Variants in RALGAPA1 observed in about 807,000 individuals in gnomAD.
RALGAPA1 encodes ral GTPase-activating protein subunit alpha-1.
A neutral mutation model predicts 269.6 loss-of-function variants in RALGAPA1; 52 were observed. The observed-to-expected ratio is 0.19, with a 90% CI of 0.15 to 0.24. The LOEUF is 0.24. Among genes scored for constraint, RALGAPA1 ranks in the 10% least tolerant of loss-of-function variants. RALGAPA1 has a pLI of 1.00. For synonymous variants in RALGAPA1, 817 were observed against 1,008.3 expected, an observed-to-expected ratio of 0.81 and a Z score of 3.60; for missense variants, 1,917 against 3,013.9, an observed-to-expected ratio of 0.64 and a Z score of 8.52.
intron 35 of RALGAPA1, among the ~76,000 whole-genome samples, chr14:35,620,282 C>A (rs1419435722): frequency 6.6e-6 from 1 of 152,074 alleles, no homozygotes; most frequent in Non-Finnish European, 1.5e-5. Flanking sequence ...TTAATAGATG[C>A]AGAAAAGGCC....
At chr14:35,594,318 A>G (rs2058806242) in intron 37 of RALGAPA1, among the ~76,000 whole-genome samples, 1 of 152,158 alleles carries the variant, frequency 6.6e-6, no homozygotes, top group Admixed American at 6.6e-5. Context: ...GGTAACAGTC[A>G]ACAAAACGAA....
intron 27 of RALGAPA1, among the ~76,000 whole-genome samples, chr14:35,663,910 G>A (rs1439336220): frequency 1.3e-5 from 2 of 151,996 alleles, no homozygotes; most frequent in East Asian, 1.9e-4. Context: ...TCATACATAG[G>A]CATTCAGTTA....
intron 17 of RALGAPA1, among the ~76,000 whole-genome samples, chr14:35,693,099 TTGAA>T (rs1424029449): frequency 6.6e-6 from 1 of 152,000 alleles, no homozygotes; most frequent in Non-Finnish European, 1.5e-5. Flanking sequence ...TCTTAATCTC[TTGAA>T]TAATACATCA....
At chr14:35,596,732 T>G (rs538080021) in intron 36 of RALGAPA1, among the ~76,000 whole-genome samples, 2 of 152,140 alleles carry the variant, frequency 1.3e-5, no homozygotes, top group Non-Finnish European at 2.9e-5. Context: ...TAATTAAAAA[T>G]TTTAAAGCAT....
At chr14:35,692,629 A>T (rs1275405905) in intron 17 of RALGAPA1, among the ~76,000 whole-genome samples, 1 of 151,886 alleles carries the variant, frequency 6.6e-6, no homozygotes, top group African/African-American at 2.4e-5. Context: ...GGAGAATTTA[A>T]ATTTAAACAA....
At chr14:35,783,030 C>A (rs2075561339) in intron 1 of RALGAPA1, among the ~76,000 whole-genome samples, 1 of 151,620 alleles carries the variant, frequency 6.6e-6, no homozygotes, top group Admixed American at 6.6e-5. Context: ...CCACATGTTG[C>A]CCAGGCTGGT....
At chr14:35,776,854 G>C (rs2075072474) in intron 1 of RALGAPA1, among the ~76,000 whole-genome samples, 1 of 151,628 alleles carries the variant, frequency 6.6e-6, no homozygotes. Flanking sequence ...GTGTACCCTA[G>C]AACTTAGAGT....
intron 1 of RALGAPA1, among the ~76,000 whole-genome samples, chr14:35,800,669 A>T (rs1567260819): frequency 6.6e-6 from 1 of 152,214 alleles, no homozygotes; most frequent in African/African-American, 2.4e-5. Flanking sequence ...TTTATGAAAC[A>T]ACAAAAAGAG....
intron 28 of RALGAPA1, among the ~76,000 whole-genome samples, chr14:35,656,491 T>C (rs1454443403): frequency 1.3e-5 from 2 of 152,204 alleles, no homozygotes; most frequent in Admixed American, 1.3e-4. Context: ...TAATTTCAGC[T>C]GGGTGTCAGC....
Position 35,750,483 on chromosome 14 carries a change from T to C in RALGAPA1, c.1010A>G (p.Gln337Arg). 6.2e-7 allele frequency: 1 copy of C among 1,611,928 alleles called. No individual in the cohort carries two copies. The highest frequency in any genetic ancestry group is 8.5e-7 in the Non-Finnish European group (1 of 1,178,506). Residue 337 changes from glutamine to arginine, a missense_variant and splice_region_variant, in exon 9 of 42, where the codon CAG becomes CGG. Physicochemically the swap from Gln to Arg is conservative, Grantham distance 43 (BLOSUM62 1). Around this residue, in one of 11 missense-constraint regions of RALGAPA1, gnomAD observed 462 missense variants for 725.6 expected, o/e 0.64. Coordinates refer to ENST00000680220, the MANE Select transcript of RALGAPA1 (RefSeq NM_001346249.2). ...MEGEVLPKNIQRAAASLVSRE... is the reference protein window; with the variant it reads ...MEGEVLPKNIRRAAASLVSRE... ...AGGCCTGCCTCATTTGTGCATTACC[T>C]GAATATTCTTTGGCAAGACTTCACC...
intron 10 of RALGAPA1, 173 bp downstream of exon 10, chr14:35,748,412 C>T (rs1416289229): frequency 3.8e-6 from 2 of 519,642 alleles, no homozygotes; most frequent in East Asian, 7.3e-5. Flanking sequence ...TGCGGTCTCT[C>T]CATGTTGTCC....
At chr14:35,602,139 A>G (rs537953303) in intron 36 of RALGAPA1, among the ~76,000 whole-genome samples, 38 of 152,332 alleles carry the variant, frequency 2.5e-4, no homozygotes, top group African/African-American at 8.9e-4. Flanking sequence ...GCTGTAGCAC[A>G]TAATCACTTT....
chr14:35,700,024 T>C, intron 17 of RALGAPA1, 138 bp downstream of exon 17: 1 of 708,986 alleles, frequency 1.4e-6, no homozygotes, highest in South Asian at 2.5e-5. Flanking sequence ...AAATGTTGAT[T>C]TCTCAATCAC....
chr14:35,748,378 CTTTTTT>C, intron 10 of RALGAPA1: 2 of 253,398 alleles, frequency 7.9e-6, no homozygotes, highest in African/African-American at 2.4e-5. Context: ...CTCTCTCGCT[CTTTTTT>C]TTTTTTTTTT....
At chr14:35,792,993 A>G (rs1371378943) in intron 1 of RALGAPA1, among the ~76,000 whole-genome samples, 1 of 152,074 alleles carries the variant, frequency 6.6e-6, no homozygotes, top group Non-Finnish European at 1.5e-5. Flanking sequence ...AAGAACCGAG[A>G]AAAAAGGAAC....
At chr14:35,586,696 T>C (rs1478436609) in intron 37 of RALGAPA1, among the ~76,000 whole-genome samples, 1 of 152,208 alleles carries the variant, frequency 6.6e-6, no homozygotes, top group African/African-American at 2.4e-5. Context: ...TTTCTGCATC[T>C]ATTGAGATAA....
intron 30 of RALGAPA1, among the ~76,000 whole-genome samples, chr14:35,653,875 C>A (rs1566928993): frequency 6.6e-6 from 1 of 152,072 alleles, no homozygotes; most frequent in Non-Finnish European, 1.5e-5. Context: ...AAAATAATGA[C>A]CTGATTGTGG....
chr14:35,727,860 A>G (rs1214400157), intron 13 of RALGAPA1, among the ~76,000 whole-genome samples: 4 of 152,178 alleles, frequency 2.6e-5, no homozygotes, highest in Admixed American at 6.5e-5. Context: ...ATTCTAAAGG[A>G]AAGTTCAGAA....
chr14:35,562,615 C>T (rs967687289), intron 39 of RALGAPA1, among the ~76,000 whole-genome samples: 1 of 152,138 alleles, frequency 6.6e-6, no homozygotes, highest in Admixed American at 6.5e-5. Context: ...TTTCACTGAT[C>T]CTAGGTTTCC....
Sources: gnomAD v4.1 joint callset for allele counts (sites outside exome capture counted in the v4.1 genomes callset) on GRCh38, gnomAD v4.1.1 for gene constraint, gnomAD v4.1.1 regional missense constraint, MANE v1.5 for transcripts, NCBI Gene and HGNC (gene_info 2026-07-23, HGNC 2026-07-21) for gene names.